The following GART variants were observed in gnomAD, a reference collection of about 807,000 sequenced individuals.
GART encodes the protein phosphoribosylglycinamide formyltransferase, phosphoribosylglycinamide synthetase, phosphoribosylaminoimidazole synthetase.
A neutral mutation model predicts 107.2 loss-of-function variants in GART; 43 were observed. The observed-to-expected ratio is 0.40, with a 90% CI of 0.31 to 0.52. The LOEUF (loss-of-function observed/expected upper bound fraction) is 0.52. GART is among the 20% of genes least tolerant of loss of function. GART has a pLI of 0.52. For synonymous variants in GART, 434 were observed against 427.0 expected (o/e 1.02, Z -0.20); for missense variants, 1,107 against 1,206.5 (o/e 0.92, Z 1.22).
rs145056428 is a variant in GART, at chr21:33,517,396, A to T, written c.1915T>A (p.Ser639Thr). The change falls in exon 15 of 22, where the codon TCC becomes ACC. Residue 639 changes from serine (S) to threonine (T), a missense_variant. Ser to Thr is a moderately conservative substitution (Grantham distance 58). Transcript: ENST00000381815. ...CCACAACCATCAGGTGCTGGAGAGGAGTACTGGAGGGAAGATTTTGCCACG... is the reference window on the plus strand; with the variant it reads ...CCACAACCATCAGGTGCTGGAGAGGTGTACTGGAGGGAAGATTTTGCCACG... The part of the protein sequence containing the change: ...KIVAKSSLQY[S>T]SPAPDGCGDQ... 6.2e-6 allele frequency: 10 copies of T among 1,614,012 alleles called. No homozygotes were observed. Among genetic ancestry groups the T allele is most frequent in the African/African-American group, 1.3e-5 (1 of 74,902 alleles).
At position 33,517,085 on chromosome 21, in the gene GART, G is replaced by A. The variant is rs200921953; in HGVS notation, c.2011C>T (p.Arg671Cys). ...IYSHSLLPVL[R>C]SGHVKAFAHI... ...GCAAAGGCTTTGACATGTCCTGAAC[G>A]TAGGACAGGTAACAGTGAATGGCTG... The change falls in exon 16 of 22, where the codon CGT becomes TGT. Residue 671 changes from arginine to cysteine, a missense_variant. By Grantham distance (180) the Arg-to-Cys change is radical. Coordinates refer to ENST00000381815, the MANE Select transcript of GART (RefSeq NM_000819.5). 13 of 1,613,192 alleles carry A rather than the reference G, an allele frequency of 8.1e-6. No homozygotes were observed. The highest frequency in any genetic ancestry group is 3.3e-5 in the Admixed American group (2 of 59,966).
rs1234930607 is a variant in GART, at chr21:33,505,956, T to C, written c.2583+18A>G. 1.2e-6 allele frequency: 2 copies of C among 1,613,590 alleles called. No individual in the cohort carries two copies. Among genetic ancestry groups the C allele is most frequent in the Non-Finnish European group, 1.7e-6 (2 of 1,179,838 alleles). ...TTAAATATGGCCCACAGCAAAGATA[T>C]TTTCCCAAGTAACTTACTCTAGTGG... On this transcript the variant is annotated intron_variant, in intron 19 of 21. Transcript: ENST00000381815.
upstream of GART, chr21:33,542,188 A>G (rs2085453294): frequency 6.6e-6 from 1 of 151,422 alleles, no homozygotes; most frequent in Non-Finnish European, 1.5e-5. Flanking sequence ...TCCCTGCCCC[A>G]TTGGTCCGCG....
At chr21:33,542,861 T>C (rs2085480578), upstream of GART, 1 of 583,928 alleles carries the variant, frequency 1.7e-6, no homozygotes, top group Non-Finnish European at 3.1e-6. Flanking sequence ...ATGGCGGACA[T>C]AGTCGTGCGC....
At chr21:33,512,123 A>G (rs2084794556) in intron 16 of GART, among the ~76,000 whole-genome samples, 1 of 151,764 alleles carries the variant, frequency 6.6e-6, no homozygotes, top group Non-Finnish European at 1.5e-5. Flanking sequence ...TTCTCTACTA[A>G]AAATACAATA....
At position 33,539,319 on chromosome 21, in the gene GART, T is replaced by C. The variant is rs1423506081; in HGVS notation, c.-4A>G. On this transcript the variant is annotated 5_prime_UTR_variant, in exon 2 of 22. Coordinates refer to ENST00000381815, the MANE Select transcript of GART (RefSeq NM_000819.5). ...TTATAAGTACTCGGGCTGCCATTGTTCTGTCTGTAAAGCAGAAATTCCAAA... is the reference window on the plus strand; with the variant it reads ...TTATAAGTACTCGGGCTGCCATTGTCCTGTCTGTAAAGCAGAAATTCCAAA... The C allele has an allele frequency of 6.2e-7, 1 of 1,608,396 alleles. No individual in the cohort carries two copies. Among genetic ancestry groups the C allele is most frequent in the African/African-American group, 1.3e-5 (1 of 74,500 alleles).
chr21:33,535,151 G>T, intron 3 of GART, 74 bp downstream of exon 3: 1 of 882,882 alleles, frequency 1.1e-6, no homozygotes, highest in South Asian at 2.5e-5. Flanking sequence ...TCTGTAAAAT[G>T]AATTGGATTA....
At position 33,522,209 on chromosome 21, in the gene GART, C is replaced by G; in HGVS notation, c.1372G>C (p.Ala458Pro). The G allele has an allele frequency of 6.2e-7, 1 of 1,613,806 alleles. No individual in the cohort carries two copies. Among genetic ancestry groups the G allele is most frequent in the Non-Finnish European group, 8.5e-7 (1 of 1,179,846 alleles). ...NMLVKKIQPL[A>P]KATSRSGCKV... ...TGACCTGATCTGGAAGTGGCTTTTG[C>G]TAAAGGCTGAATTTTCTTGACCAGC... The change falls in exon 12 of 22, where the codon GCA becomes CCA. Residue 458 changes from alanine to proline, a missense_variant. Coordinates refer to ENST00000381815, the MANE Select transcript of GART (RefSeq NM_000819.5).
chr21:33,510,621 C>T (rs921662153), intron 17 of GART, among the ~76,000 whole-genome samples: 3 of 152,146 alleles, frequency 2.0e-5, no homozygotes, highest in African/African-American at 4.8e-5. Flanking sequence ...TGAGCCACCA[C>T]GCCCGGCTGG....
intron 2 of GART, 84 bp from the exon 3 acceptor site, chr21:33,535,404 C>G: frequency 2.5e-6 from 2 of 814,052 alleles, no homozygotes; most frequent in Non-Finnish European, 3.7e-6. Flanking sequence ...ACTAAAAAAA[C>G]TAAGTTCTAT....
intron 16 of GART, among the ~76,000 whole-genome samples, chr21:33,515,412 C>A (rs566033894): frequency 6.6e-6 from 1 of 152,040 alleles, no homozygotes; most frequent in Non-Finnish European, 1.5e-5. Flanking sequence ...GAGGCCAAGG[C>A]GGGTGGATCA....
chr21:33,514,546 T>C (rs1045842239), intron 16 of GART, among the ~76,000 whole-genome samples: 6 of 152,178 alleles, frequency 3.9e-5, no homozygotes, highest in African/African-American at 1.4e-4. Context: ...GCAGCTATGA[T>C]GGGAGTATTT....
At position 33,517,482 on chromosome 21, in the gene GART, A is replaced by T. The variant is rs368440911; in HGVS notation, c.1829T>A (p.Val610Asp). 1.9e-6 allele frequency: 3 copies of T among 1,614,136 alleles called. No homozygotes were observed. The highest frequency in any genetic ancestry group is 2.2e-5 in the South Asian group (2 of 91,088). ...ACCAGATGAAGCTATTCCAACAACA[A>T]CATCACCCTCAGTGATTCTTTCCAG... ...PHLERITEGD[V>D]VVGIASSGLH... The change falls in exon 15 of 22, where the codon GTT (valine) becomes GAT (aspartate). Residue 610 changes from valine to aspartate, a missense_variant. Coordinates refer to ENST00000381815, the MANE Select transcript of GART (RefSeq NM_000819.5).
At chr21:33,531,344 A>G in intron 6 of GART, 145 bp downstream of exon 6, 1 of 731,114 alleles carries the variant, frequency 1.4e-6, no homozygotes, top group Non-Finnish European at 2.3e-6. Context: ...CACCCCCAAC[A>G]ATAAAAGTAT....
intron 11 of GART, chr21:33,524,136 CT>C: frequency 8.1e-6 from 8 of 985,238 alleles, no homozygotes; most frequent in Non-Finnish European, 9.6e-6. Flanking sequence ...GACTGTCAAA[CT>C]TTACAGTATA....
At chr21:33,514,284 A>AC (rs534407939) in intron 16 of GART, among the ~76,000 whole-genome samples, 107 of 152,190 alleles carry the variant, frequency 7.0e-4, no homozygotes, top group African/African-American at 2.5e-3. Context: ...AAACAAACAA[A>AC]AAAACCCCCA....
At chr21:33,505,913 TGAGGGCA>T (rs2084669981) in intron 19 of GART, 54 bp downstream of exon 19, 1 of 1,597,820 alleles carries the variant, frequency 6.3e-7, no homozygotes, top group East Asian at 2.2e-5. Flanking sequence ...CAGGGTCCTG[TGAGGGCA>T]GATTACGAGC....
At chr21:33,505,831 G>T in intron 19 of GART, 129 bp from the exon 20 acceptor site, 1 of 1,363,130 alleles carries the variant, frequency 7.3e-7, no homozygotes. Context: ...TATTAAGAAA[G>T]GGACAGGATG....
At chr21:33,534,998 GAATA>G (rs561575927) in intron 3 of GART, among the ~76,000 whole-genome samples, 16 of 152,138 alleles carry the variant, frequency 1.1e-4, no homozygotes, top group African/African-American at 3.1e-4. Flanking sequence ...GAATACAGCA[GAATA>G]AAGACATATA....
Sources: allele counts gnomAD v4.1 joint callset (sites outside exome capture counted in the v4.1 genomes callset), GRCh38; gene constraint gnomAD v4.1.1; transcripts MANE v1.5; gene names NCBI Gene and HGNC (gene_info 2026-07-23, HGNC 2026-07-21).